Variants in CEP164 observed in about 807,000 individuals in gnomAD.
CEP164 encodes centrosomal protein 164.
In CEP164, 162 loss-of-function variants were observed where a neutral mutation model predicts 182.7. The observed-to-expected ratio is 0.89, with a 90% CI of 0.78 to 1.01. CEP164 has a LOEUF of 1.01. CEP164 is among the 50% of genes least tolerant of loss of function. The probability of loss-of-function intolerance (pLI) is 0.00; values close to 1 mark genes in which losing one functional copy is unlikely to be tolerated. For synonymous variants in CEP164, 661 were observed against 690.0 expected (o/e 0.96, Z 0.66); for missense variants, 1,735 against 1,790.4 (o/e 0.97, Z 0.56).
Position 117,381,837 on chromosome 11 carries a change from G to A in CEP164, c.1546G>A (p.Ala516Thr). 6.5e-7 allele frequency: 1 copy of A among 1,526,966 alleles called. No homozygotes were observed. 94.6% of individuals were successfully genotyped at this position (1,526,966 alleles called of 1,614,324 possible). Residue 516 changes from alanine (A) to threonine (T), a missense_variant, in exon 13 of 33, where the codon GCC becomes ACC. Physicochemically the swap from Ala to Thr is moderately conservative, Grantham distance 58. Transcript: ENST00000278935. ...EAEELGEDSA[A>T]SLSLQLSLQR... ...AGAGGAGCTTGGGGAGGACTCTGCAGCCAGCCTCAGCCTGCAGCTGTCCCT... is the reference window on the plus strand; with the variant it reads ...AGAGGAGCTTGGGGAGGACTCTGCAACCAGCCTCAGCCTGCAGCTGTCCCT...
chr11:117,368,911 G>A (rs909949023), intron 8 of CEP164, among the ~76,000 whole-genome samples: 1 of 152,186 alleles, frequency 6.6e-6, no homozygotes, highest in African/African-American at 2.4e-5. Context: ...TGCTGCCAAG[G>A]CGTGAGCTTC....
chr11:117,397,871 C>CA (rs919959467), intron 27 of CEP164, among the ~76,000 whole-genome samples: 9 of 152,172 alleles, frequency 5.9e-5, no homozygotes, highest in African/African-American at 1.7e-4. Flanking sequence ...CAAACCATAT[C>CA]ATTCCACCCC....
chr11:117,350,689 G>C (rs1271173599), intron 4 of CEP164, among the ~76,000 whole-genome samples: 1 of 151,938 alleles, frequency 6.6e-6, no homozygotes, highest in Non-Finnish European at 1.5e-5. Context: ...AAATTGTATT[G>C]GATTTATATA....
intron 15 of CEP164, among the ~76,000 whole-genome samples, chr11:117,389,666 A>C (rs540252860): frequency 6.6e-6 from 1 of 152,330 alleles, no homozygotes; most frequent in Non-Finnish European, 1.5e-5. Context: ...CTTCCCAGAG[A>C]GGGAGCTGAG....
Position 117,374,230 on chromosome 11 carries a change from T to A in CEP164, c.1233+399T>A, listed in dbSNP as rs2042512399. ...GATCACTGAGCTGTGGCGAGGACAGTCCCCAGGCTCAGGCCAGGAGGGATG... is the reference window on the plus strand; with the variant it reads ...GATCACTGAGCTGTGGCGAGGACAGACCCCAGGCTCAGGCCAGGAGGGATG... On this transcript the variant is annotated intron_variant, in intron 10 of 32. Transcript: ENST00000278935. 3.9e-5 allele frequency among the ~76,000 whole-genome samples: 6 copies of A among 152,222 alleles called. No homozygotes were observed. In the South Asian group the frequency reaches 1.2e-3, roughly 32 times the overall value.
chr11:117,394,712 T>C lies in CEP164; in HGVS notation c.2761-208T>C, dbSNP rs552724500. Among the ~76,000 whole-genome samples, 3 of 152,292 alleles carry C rather than the reference T, an allele frequency of 2.0e-5. No individual in the cohort carries two copies. The highest frequency in any genetic ancestry group is 1.9e-4 in the East Asian group (1 of 5,174). On this transcript the variant is annotated intron_variant, in intron 21 of 32. Coordinates refer to ENST00000278935, the MANE Select transcript of CEP164 (RefSeq NM_014956.5). This position sits in a 1 kb window ranked among gnomAD's most constrained non-coding sequence, Gnocchi z 4.0. ...ACTAGAGGTCAGCCCCTGTAAGGCATTGGGGTTGGCACCTTTGCGTCTCCT... is the reference window on the plus strand; with the variant it reads ...ACTAGAGGTCAGCCCCTGTAAGGCACTGGGGTTGGCACCTTTGCGTCTCCT...
chr11:117,342,981 A>G (rs1241074661), intron 3 of CEP164, among the ~76,000 whole-genome samples: 4 of 150,210 alleles, frequency 2.7e-5, no homozygotes, highest in Non-Finnish European at 4.4e-5. Context: ...CTAGAATGTA[A>G]GCTCCCACCT....
intron 27 of CEP164, among the ~76,000 whole-genome samples, chr11:117,401,486 G>A (rs1227909628): frequency 6.6e-6 from 1 of 152,154 alleles, no homozygotes; most frequent in East Asian, 1.9e-4. Context: ...GGATGATGCT[G>A]GCTTCATAAA....
upstream of CEP164, among the ~76,000 whole-genome samples, chr11:117,326,600 G>A (rs1211944030): frequency 6.6e-6 from 1 of 152,174 alleles, no homozygotes; most frequent in African/African-American, 2.4e-5. Context: ...GTATTCATGC[G>A]TGAGAACCCT....
chr11:117,352,537 G>C (rs745754320), intron 5 of CEP164, among the ~76,000 whole-genome samples: 1 of 152,218 alleles, frequency 6.6e-6, no homozygotes, highest in African/African-American at 2.4e-5. Flanking sequence ...ATTGTTGCCA[G>C]TGTCTTCAGT....
At chr11:117,355,184 A>G (rs746311955) in intron 5 of CEP164, 14 of 1,289,744 alleles carry the variant, frequency 1.1e-5, no homozygotes, top group African/African-American at 7.6e-5. Flanking sequence ...CTTTGCTGAC[A>G]TGGAGAAAAT....
At chr11:117,336,559 T>C (rs1456196978) in intron 2 of CEP164, 3 of 1,534,642 alleles carry the variant, frequency 2.0e-6, no homozygotes, top group African/African-American at 2.7e-5. Context: ...GTGGGCAGGA[T>C]TGGAACCTCC....
At chr11:117,352,022 A>T in intron 5 of CEP164, 34 bp downstream of exon 5, 1 of 1,534,394 alleles carries the variant, frequency 6.5e-7, no homozygotes, top group Non-Finnish European at 8.8e-7. Flanking sequence ...CAGAGAGGCC[A>T]GGGCTGAAAT....
intron 5 of CEP164, chr11:117,355,122 C>T: frequency 7.8e-7 from 1 of 1,289,840 alleles, no homozygotes; most frequent in Non-Finnish European, 1.0e-6. Flanking sequence ...GGTGCCCTTC[C>T]CAGAAAGCTG....
At chr11:117,368,814 C>T (rs1438834678) in intron 8 of CEP164, among the ~76,000 whole-genome samples, 1 of 152,236 alleles carries the variant, frequency 6.6e-6, no homozygotes, top group African/African-American at 2.4e-5. Flanking sequence ...TGTCTCCCTT[C>T]TCTTAGCCCA....
At chr11:117,334,802 AAG>A (rs1315194987) in intron 1 of CEP164, among the ~76,000 whole-genome samples, 3 of 151,790 alleles carry the variant, frequency 2.0e-5, no homozygotes, top group Non-Finnish European at 4.4e-5. Flanking sequence ...AAAAAAAAAA[AAG>A]GTAAATATAG....
At chr11:117,338,764 G>A (rs2037604850) in intron 3 of CEP164, 96 bp downstream of exon 3, 2 of 963,788 alleles carry the variant, frequency 2.1e-6, no homozygotes, top group Admixed American at 3.7e-5. Context: ...GCAAAGTATG[G>A]TACATGTACA....
At chr11:117,354,837 G>A (rs948155964) in intron 5 of CEP164, 2 of 820,102 alleles carry the variant, frequency 2.4e-6, no homozygotes, top group Admixed American at 4.0e-5. Flanking sequence ...ATAGAGGGTG[G>A]GTTTTTGCTG....
Position 117,361,855 on chromosome 11 carries a change from C to T in CEP164, c.414C>T (p.Ala138=). 2 of 1,614,182 alleles carry T rather than the reference C, an allele frequency of 1.2e-6. No homozygotes were observed. The highest frequency in any genetic ancestry group is 1.7e-6 in the Non-Finnish European group (2 of 1,180,032). The change falls in exon 6 of 33, where the codon GCC becomes GCT. Residue 138 remains alanine (A), a synonymous_variant. Coordinates refer to ENST00000278935, the MANE Select transcript of CEP164 (RefSeq NM_014956.5). The stretch of plus-strand genomic sequence containing the variant: ...CACAGGCCTTGGGTTCCTCATTAGC[C>T]CCAGTTCATGTTCCTCTTGGGGGCC... ...KSSLALGSSL[A]PVHVPLGGLA...
Sources: allele counts gnomAD v4.1 joint callset (sites outside exome capture counted in the v4.1 genomes callset), GRCh38; gene constraint gnomAD v4.1.1; non-coding constraint Gnocchi (gnomAD v3.1); transcripts MANE v1.5; gene names NCBI Gene and HGNC (gene_info 2026-07-23, HGNC 2026-07-21).